Variants in HDAC9 observed in about 807,000 individuals in gnomAD.
HDAC9 encodes the protein histone deacetylase 9, also known as MEF-2 interacting transcription repressor (MITR) protein.
HDAC9 carries 41 observed loss-of-function variants against 139.4 expected under a neutral mutation model. The observed-to-expected ratio is 0.29, with a 90% confidence interval of 0.23 to 0.38. The LOEUF is 0.38. Ranked by LOEUF, HDAC9 falls within the 10% of genes least tolerant of loss-of-function variation. The probability of loss-of-function intolerance (pLI) is 1.00; values close to 1 mark genes in which losing one functional copy is unlikely to be tolerated. For missense variants in HDAC9, 1,147 were observed against 1,297.0 expected (o/e 0.88, Z 1.78); for synonymous variants, 517 against 476.2 (o/e 1.09, Z -1.12).
At chr7:18,327,359 ATAGT>A (rs1262392365) in intron 1 of HDAC9, 1 of 151,942 alleles carries the variant, frequency 6.6e-6, no homozygotes, top group Non-Finnish European at 1.5e-5. Flanking sequence ...ATGCTATAAT[ATAGT>A]TAATTTGCAG....
intron 21 of HDAC9, 136 bp from the exon 22 acceptor site, chr7:18,874,342 C>T (rs1426928319): frequency 1.3e-5 from 7 of 533,370 alleles, no homozygotes; most frequent in Non-Finnish European, 2.4e-5. Flanking sequence ...GCTTTTGTCC[C>T]ATTCAAATAA....
At chr7:18,576,897 G>C (rs1346982760) in intron 2 of HDAC9, among the ~76,000 whole-genome samples, 2 of 152,162 alleles carry the variant, frequency 1.3e-5, no homozygotes, top group African/African-American at 4.8e-5. Flanking sequence ...TGTCAACATA[G>C]AGGAAGCAAA....
intron 1 of HDAC9, among the ~76,000 whole-genome samples, chr7:18,364,361 T>G (rs1784016231): frequency 6.6e-6 from 1 of 152,022 alleles, no homozygotes; most frequent in Non-Finnish European, 1.5e-5. Context: ...ATATGATAAA[T>G]GCTCAAAATA....
intron 15 of HDAC9, among the ~76,000 whole-genome samples, chr7:18,765,387 C>T (rs930897061): frequency 6.6e-6 from 1 of 151,774 alleles, no homozygotes; most frequent in Admixed American, 6.6e-5. Context: ...TTTGGGAGGC[C>T]GAGACAGGAG....
At chr7:18,918,096 G>A (rs553897953) in intron 22 of HDAC9, among the ~76,000 whole-genome samples, 2 of 152,118 alleles carry the variant, frequency 1.3e-5, no homozygotes, top group Non-Finnish European at 1.5e-5. Flanking sequence ...AAATCAAGTC[G>A]ATGTGCAAAG....
At chr7:18,389,987 G>T (rs189869527) in intron 1 of HDAC9, among the ~76,000 whole-genome samples, 8 of 148,298 alleles carry the variant, frequency 5.4e-5, no homozygotes, top group Non-Finnish European at 8.9e-5. Flanking sequence ...AATTAGTGTA[G>T]TTGTTCTGAA....
At chr7:18,958,381 T>A (rs1783304310) in intron 24 of HDAC9, among the ~76,000 whole-genome samples, 2 of 152,132 alleles carry the variant, frequency 1.3e-5, no homozygotes, top group African/African-American at 4.8e-5. Flanking sequence ...TCAGAAAGAA[T>A]TTAAATTAGA....
At chr7:18,805,664 G>A (rs1256802630) in intron 17 of HDAC9, among the ~76,000 whole-genome samples, 1 of 152,230 alleles carries the variant, frequency 6.6e-6, no homozygotes, top group Non-Finnish European at 1.5e-5. Flanking sequence ...GTCAGCCAGT[G>A]AGTGCATGAC....
At chr7:18,615,391 A>C (rs917913651) in intron 6 of HDAC9, among the ~76,000 whole-genome samples, 1 of 151,978 alleles carries the variant, frequency 6.6e-6, no homozygotes, top group African/African-American at 2.4e-5. Context: ...AAAGGGAAAT[A>C]CTCCCATTCA....
chr7:18,321,465 C>A (rs1800026956), intron 1 of HDAC9, among the ~76,000 whole-genome samples: 1 of 152,116 alleles, frequency 6.6e-6, no homozygotes, highest in Admixed American at 6.5e-5. Flanking sequence ...GGTGATATGC[C>A]TTTATGTTGC....
At chr7:18,574,956 C>T (rs1825553954) in intron 2 of HDAC9, among the ~76,000 whole-genome samples, 1 of 152,198 alleles carries the variant, frequency 6.6e-6, no homozygotes, top group African/African-American at 2.4e-5. Flanking sequence ...GGCTTCTGCC[C>T]CTCAACTCGA....
At position 18,593,615 on chromosome 7, in the gene HDAC9, G is replaced by C. The variant is rs73313298; in HGVS notation, c.543-293G>C. Among the ~76,000 whole-genome samples the C allele has an allele frequency of 4.3e-3, 649 of 152,162 alleles. 4 individuals are homozygous for C. Among genetic ancestry groups the C allele is most frequent in the African/African-American group, 0.015 (619 of 41,496 alleles). On this transcript the variant is annotated intron_variant, in intron 5 of 25. Transcript: ENST00000686413. Reference sequence around the variant, plus strand: ...TAGGGTGGCTCTTAAGAGAACATAGGCAGTAATCTCAAATTGTCAAAAGCT... The same window carrying C: ...TAGGGTGGCTCTTAAGAGAACATAGCCAGTAATCTCAAATTGTCAAAAGCT...
chr7:18,143,225 G>C (rs1276434509), intron 1 of HDAC9, among the ~76,000 whole-genome samples: 1 of 152,140 alleles, frequency 6.6e-6, no homozygotes, highest in Admixed American at 6.5e-5. Flanking sequence ...AGGAATTGCT[G>C]ATAGTAATTC....
intron 7 of HDAC9, among the ~76,000 whole-genome samples, chr7:18,632,374 C>A (rs1164092821): frequency 1.3e-5 from 2 of 151,994 alleles, no homozygotes; most frequent in African/African-American, 4.8e-5. Context: ...TACTGCATTT[C>A]TGAGTAGAGA....
At position 18,932,880 on chromosome 7, in the gene HDAC9, G is replaced by GAAAGAAAGAAAA. The variant is rs1554405266; in HGVS notation, c.2804-2929_2804-2928insAAAGAAAGAAAA. 5.5e-4 allele frequency among the ~76,000 whole-genome samples: 84 copies of GAAAGAAAGAAAA among 151,704 alleles called. No homozygotes were observed. The East Asian group carries it at 7.4e-3, about 13-fold the overall frequency. ...AGAAAGAAAGAAAGAAAGAAAGAAA[G>GAAAGAAAGAAAA]GATGTCCTGACTTTCTTCTCCATGA... On this transcript the variant is annotated intron_variant, in intron 22 of 25. Transcript: ENST00000686413.
intron 15 of HDAC9, among the ~76,000 whole-genome samples, chr7:18,763,472 TA>T (rs1483159480): frequency 6.6e-6 from 1 of 152,144 alleles, no homozygotes; most frequent in Non-Finnish European, 1.5e-5. Flanking sequence ...TATTTGATGA[TA>T]AAAAATAATG....
intron 1 of HDAC9, among the ~76,000 whole-genome samples, chr7:18,431,924 G>A (rs1382598926): frequency 1.3e-5 from 2 of 152,150 alleles, no homozygotes; most frequent in Non-Finnish European, 2.9e-5. Flanking sequence ...GCCTACATGA[G>A]AAAGTCAGAA....
chr7:18,095,181 G>A (rs1172018106), intron 1 of HDAC9, among the ~76,000 whole-genome samples: 1 of 152,064 alleles, frequency 6.6e-6, no homozygotes, highest in East Asian at 1.9e-4. Context: ...TTTTCACTGG[G>A]CCCAGTGTAT....
At chr7:18,300,936 C>G (rs963991263) in intron 1 of HDAC9, among the ~76,000 whole-genome samples, 1 of 152,114 alleles carries the variant, frequency 6.6e-6, no homozygotes, top group African/African-American at 2.4e-5. Context: ...TAAGGGAGAG[C>G]TCACACTATT....
Sources: allele counts gnomAD v4.1 joint callset (sites outside exome capture counted in the v4.1 genomes callset), GRCh38; gene constraint gnomAD v4.1.1; transcripts MANE v1.5; gene names NCBI Gene and HGNC (gene_info 2026-07-23, HGNC 2026-07-21).